Variants in PRKCSH observed in about 807,000 individuals in gnomAD.
PRKCSH encodes the protein PRKCSH beta subunit of glucosidase II, also known as glucosidase 2 subunit beta.
A neutral mutation model predicts 79.7 loss-of-function variants in PRKCSH; 42 were observed. That is an observed-to-expected ratio of 0.53 (90% confidence interval 0.41 to 0.68). The LOEUF is 0.68. Among genes scored for constraint, PRKCSH ranks in the 30% least tolerant of loss-of-function variants. The probability of loss-of-function intolerance (pLI) is 0.00; values close to 1 mark genes in which losing one functional copy is unlikely to be tolerated. For synonymous variants in PRKCSH, 325 were observed against 288.2 expected (o/e 1.13, Z -1.29); for missense variants, 686 against 709.0 (o/e 0.97, Z 0.37).
Position 11,448,914 on chromosome 19 carries a change from A to G in PRKCSH, c.1287A>G (p.Glu429=), listed in dbSNP as rs751019615. The change falls in exon 15 of 18, where the codon GAA becomes GAG. Residue 429 remains glutamate (E), a splice_region_variant and synonymous_variant. Coordinates refer to ENST00000677123, the MANE Select transcript of PRKCSH (RefSeq NM_001289104.2). This position sits in a 1 kb window ranked among gnomAD's most constrained non-coding sequence, Gnocchi z 4.4. The part of the protein sequence containing the change: ...YSQCYELTTN[E]YVYRLCPFKL... The stretch of plus-strand genomic sequence containing the variant: ...ACCCATATGTCCCGGTCCTCCACAG[A>G]TACGTCTACCGCCTCTGCCCCTTCA... 6.2e-7 allele frequency: 1 copy of G among 1,614,116 alleles called. No homozygotes were observed. Among genetic ancestry groups the G allele is most frequent in the South Asian group, 1.1e-5 (1 of 91,082 alleles).
At chr19:11,442,246 C>A in intron 6 of PRKCSH, 140 bp from the exon 7 acceptor site, 2 of 1,284,034 alleles carry the variant, frequency 1.6e-6, no homozygotes, top group Non-Finnish European at 2.1e-6. Context: ...CAGGGAACCC[C>A]AGCTCGGGAG....
intron 5 of PRKCSH, among the ~76,000 whole-genome samples, chr19:11,440,851 G>A (rs1329734920): frequency 6.6e-6 from 1 of 152,118 alleles, no homozygotes; most frequent in Non-Finnish European, 1.5e-5. Flanking sequence ...TATGTGTAAA[G>A]ACAGGGTCTT....
At chr19:11,445,361 G>A (rs372350175) in intron 7 of PRKCSH, 28 bp from the exon 8 acceptor site, 107 of 1,609,914 alleles carry the variant, frequency 6.6e-5, no homozygotes, top group Middle Eastern at 1.7e-4. Flanking sequence ...TGGGTGGGCA[G>A]GGGGTGACAG....
At position 11,447,545 on chromosome 19, in the gene PRKCSH, AGG is replaced by A; in HGVS notation, c.957_958del (p.Glu320GlyfsTer7). On this transcript the variant is annotated frameshift_variant, in exon 11 of 18. Coordinates refer to ENST00000677123, the MANE Select transcript of PRKCSH (RefSeq NM_001289104.2). LOFTEE classifies it high-confidence loss of function. This position sits in a 1 kb window ranked among gnomAD's most constrained non-coding sequence, Gnocchi z 5.6. ...CCCACAGAGGAGGAGGAGGAGGAGGAGGAGGAGGAGGAAGAAGAGGCTGAAGA... is the reference window on the plus strand; with the variant it reads ...CCCACAGAGGAGGAGGAGGAGGAGGAAGGAGGAGGAAGAAGAGGCTGAAGA... 6.2e-7 allele frequency: 1 copy of A among 1,605,166 alleles called. No homozygotes were observed. The highest frequency in any genetic ancestry group is 8.5e-7 in the Non-Finnish European group (1 of 1,174,938).
intron 8 of PRKCSH, 117 bp from the exon 9 acceptor site, chr19:11,446,155 C>T (rs1970285925): frequency 8.8e-7 from 1 of 1,132,272 alleles, no homozygotes; most frequent in African/African-American, 1.5e-5. Context: ...CCTTGAGGTC[C>T]TGAAGCAAGT....
In PRKCSH at chr19:11,445,426, G is replaced by A. The variant is rs1288237249; in HGVS notation, c.636G>A (p.Glu212=). 1 of 1,614,104 alleles carries A rather than the reference G, an allele frequency of 6.2e-7. No individual in the cohort carries two copies. Among genetic ancestry groups the A allele is most frequent in the East Asian group, 2.2e-5 (1 of 44,880 alleles). The change falls in exon 8 of 18, where the codon GAG becomes GAA. Residue 212 remains glutamate (E), a synonymous_variant. Coordinates refer to ENST00000677123, the MANE Select transcript of PRKCSH (RefSeq NM_001289104.2). ...LAAAKAQQEQ[E]LAADAFKELD... ...CTGCCAAGGCCCAACAGGAGCAGGA[G>A]CTGGCGGCTGATGCCTTCAAGGAGC...
At chr19:11,438,199 ACTCT>A (rs754187568) in intron 5 of PRKCSH, 75 bp downstream of exon 5, 231 of 1,501,000 alleles carry the variant, frequency 1.5e-4, no homozygotes, top group Middle Eastern at 1.3e-3. Context: ...AATCGGGCCC[ACTCT>A]CTCTTCTGCT....
At chr19:11,443,597 C>G (rs1322841170) in intron 7 of PRKCSH, among the ~76,000 whole-genome samples, 1 of 151,758 alleles carries the variant, frequency 6.6e-6, no homozygotes, top group African/African-American at 2.4e-5. Flanking sequence ...GTGGTCCCAG[C>G]TACTTGGGAG....
chr19:11,446,259 C>T lies in PRKCSH; in HGVS notation c.684-13C>T. On this transcript the variant is annotated splice_polypyrimidine_tract_variant and intron_variant, in intron 8 of 17. Coordinates refer to ENST00000677123, the MANE Select transcript of PRKCSH (RefSeq NM_001289104.2). ...CCTCACCCCTCCAGTCTGCTTCTGC[C>T]ACGCCCCCGCAGGGTCTCGGTGACT... 6.2e-6 allele frequency: 10 copies of T among 1,612,780 alleles called. No homozygotes were observed. The highest frequency in any genetic ancestry group is 8.5e-6 in the Non-Finnish European group (10 of 1,179,644).
chr19:11,450,352 C>T (rs1970551309), intron 17 of PRKCSH: 1 of 151,694 alleles, frequency 6.6e-6, no homozygotes, highest in South Asian at 2.1e-4. Flanking sequence ...TGGTAGGTGC[C>T]TGTAGTTCCA....
intron 3 of PRKCSH, chr19:11,436,729 G>A (rs937116356): frequency 3.7e-6 from 2 of 539,336 alleles, no homozygotes; most frequent in African/African-American, 3.8e-5. Context: ...AGGAGGTGAG[G>A]TTTCAGTTGA....
intron 5 of PRKCSH, 88 bp from the exon 6 acceptor site, chr19:11,441,152 C>T: frequency 1.5e-6 from 2 of 1,334,064 alleles, no homozygotes; most frequent in East Asian, 4.6e-5. Flanking sequence ...GGTGGGGGGC[C>T]ACAGCTGGAT....
rs1318931959 is a variant in PRKCSH, at chr19:11,435,651, C to A, written c.-133C>A. 1.6e-6 allele frequency: 2 copies of A among 1,282,068 alleles called. No individual in the cohort carries two copies. The highest frequency in any genetic ancestry group is 4.6e-5 in the Admixed American group (2 of 43,710). 79.4% of individuals were successfully genotyped at this position (1,282,068 alleles called of 1,614,324 possible). On this transcript the variant is annotated 5_prime_UTR_variant, in exon 1 of 18. Transcript: ENST00000677123. The stretch of plus-strand genomic sequence containing the variant: ...TTCCGCTTTCTTTCTGCAGCAGGAA[C>A]CGCGGCTGCTGGACAAGAGGGGTGC...
At chr19:11,438,470 A>G (rs1427000688) in intron 5 of PRKCSH, among the ~76,000 whole-genome samples, 1 of 152,012 alleles carries the variant, frequency 6.6e-6, no homozygotes. Context: ...TATACAACGG[A>G]AGGAGGCCAG....
rs533472516 is a variant in PRKCSH, at chr19:11,449,274, C to T, written c.1470C>T (p.Leu490=). The T allele has an allele frequency of 5.4e-5, 87 of 1,613,736 alleles. 3 individuals are homozygous for T. The South Asian group carries it at 8.9e-4, about 16-fold the overall frequency. ...CGTCTGCCCATCCCCAGGTGCGCCT[C>T]CTGTGCGGGAAAGAGACCATGGTGA... ...QGPNRSTTVR[L]LCGKETMVTS... Residue 490 remains leucine, a synonymous_variant, in exon 17 of 18, where the codon CTC becomes CTT. Coordinates refer to ENST00000677123, the MANE Select transcript of PRKCSH (RefSeq NM_001289104.2). The surrounding 1 kb of genome is among the most constrained non-coding windows in gnomAD (Gnocchi z 6.4).
chr19:11,437,841 G>C, intron 3 of PRKCSH, 35 bp from the exon 4 acceptor site: 1 of 1,583,364 alleles, frequency 6.3e-7, no homozygotes, highest in Non-Finnish European at 8.7e-7. Context: ...TCCCTGAGCT[G>C]ACTCCGAAAA....
Position 11,449,059 on chromosome 19 carries a change from C to G in PRKCSH, c.1362-17C>G, listed in dbSNP as rs528756357. 1 of 1,613,342 alleles carries G rather than the reference C, an allele frequency of 6.2e-7. No homozygotes were observed. Among genetic ancestry groups the G allele is most frequent in the South Asian group, 1.1e-5 (1 of 91,088 alleles). ...CCCGACACCGGCCCAGCCCTCAGCA[C>G]CCTGTGTCTCTCACAGCACCTGGGG... On this transcript the variant is annotated splice_polypyrimidine_tract_variant and intron_variant, in intron 15 of 17. Coordinates refer to ENST00000677123, the MANE Select transcript of PRKCSH (RefSeq NM_001289104.2). The surrounding 1 kb of genome is among the most constrained non-coding windows in gnomAD (Gnocchi z 6.4).
chr19:11,447,397 G>T lies in PRKCSH; in HGVS notation c.850-42G>T. On this transcript the variant is annotated intron_variant, in intron 10 of 17. Transcript: ENST00000677123. The surrounding 1 kb of genome is among the most constrained non-coding windows in gnomAD (Gnocchi z 5.6). ...TGGTGTGAGCCTGAGGGTGTGGGTG[G>T]ACCCTGAGTCCACAACACCGACCGC... 1 of 1,598,082 alleles carries T rather than the reference G, an allele frequency of 6.3e-7. No homozygotes were observed.
At chr19:11,439,187 T>C (rs971606701) in intron 5 of PRKCSH, among the ~76,000 whole-genome samples, 2 of 152,120 alleles carry the variant, frequency 1.3e-5, no homozygotes, top group South Asian at 4.1e-4. Context: ...GCCGCCGCGC[T>C]TGGCCACGAT....
Sources: gnomAD v4.1 joint callset for allele counts (sites outside exome capture counted in the v4.1 genomes callset) on GRCh38, gnomAD v4.1.1 for gene constraint, Gnocchi (gnomAD v3.1) non-coding constraint, MANE v1.5 for transcripts, NCBI Gene and HGNC (gene_info 2026-07-23, HGNC 2026-07-21) for gene names.